CNMD: variants seen among roughly 807,000 people sequenced by gnomAD.
CNMD encodes the protein leukocyte cell-derived chemotaxin 1.
Under a neutral mutation model 37.5 loss-of-function variants are expected in CNMD, and 30 were observed. The ratio of observed to expected loss-of-function variants is 0.80; its 90% CI spans 0.60 to 1.09. The LOEUF is 1.09. Among genes scored for constraint, CNMD ranks in the 50% least tolerant of loss-of-function variants. The probability of loss-of-function intolerance (pLI) is 0.00; values close to 1 mark genes in which losing one functional copy is unlikely to be tolerated. For synonymous variants in CNMD, 167 were observed against 148.2 expected, an observed-to-expected ratio of 1.13 and a Z score of -0.92; for missense variants, 398 against 423.9, an observed-to-expected ratio of 0.94 and a Z score of 0.54.
chr13:52,703,384 A>G lies in CNMD; in HGVS notation c.*211T>C, dbSNP rs1036325231. ...TAACAAATAATAAAGGGGTTATGGC[A>G]TTTTAGACTTGAACTACCCTTTCAG... On this transcript the variant is annotated 3_prime_UTR_variant, in exon 7 of 7. Coordinates refer to ENST00000377962, the MANE Select transcript of CNMD (RefSeq NM_007015.3). 4.2e-6 allele frequency: 2 copies of G among 473,152 alleles called. No homozygotes were observed. Among genetic ancestry groups the G allele is most frequent in the Non-Finnish European group, 3.8e-6 (1 of 265,372 alleles). 29.3% of individuals were successfully genotyped at this position (473,152 alleles called of 1,614,324 possible).
At position 52,739,772 on chromosome 13, in the gene CNMD, G is replaced by T; in HGVS notation, c.-71C>A. ...CTGGGATCTGTCCCGCTGCCCCGAC[G>T]TGCAGGGCATTTCAACGCCGCGCGC... On this transcript the variant is annotated 5_prime_UTR_variant, in exon 1 of 7. Coordinates refer to ENST00000377962, the MANE Select transcript of CNMD (RefSeq NM_007015.3). The surrounding 1 kb of genome is among the most constrained non-coding windows in gnomAD (Gnocchi z 5.4). 1 of 1,376,740 alleles carries T rather than the reference G, an allele frequency of 7.3e-7. No homozygotes were observed. The highest frequency in any genetic ancestry group is 1.0e-6 in the Non-Finnish European group (1 of 969,888). The allele number at this position is 1,376,740 out of a possible 1,614,324, so 85.3% of individuals were successfully genotyped here.
chr13:52,720,920 G>C lies in CNMD; in HGVS notation c.468+3077C>G, dbSNP rs554383392. On this transcript the variant is annotated intron_variant, in intron 4 of 6. Transcript: ENST00000377962. Reference sequence around the variant, plus strand: ...GTGCTCACAGCCGCCCCTTCCCCCAGGTGCTCTGTCCTAGGGAGATGGGAG... The same window carrying C: ...GTGCTCACAGCCGCCCCTTCCCCCACGTGCTCTGTCCTAGGGAGATGGGAG... Among the ~76,000 whole-genome samples, 14 of 152,272 alleles carry C rather than the reference G, an allele frequency of 9.2e-5. No individual in the cohort carries two copies. In the East Asian group the frequency reaches 1.2e-3, roughly 13 times the overall value.
At chr13:52,721,297 A>G (rs1329390564) in intron 4 of CNMD, among the ~76,000 whole-genome samples, 1 of 152,002 alleles carries the variant, frequency 6.6e-6, no homozygotes, top group Non-Finnish European at 1.5e-5. Context: ...CCCCCTTTCC[A>G]GGGGAGTGAA....
intron 4 of CNMD, among the ~76,000 whole-genome samples, chr13:52,722,186 C>T (rs1473077457): frequency 6.6e-6 from 1 of 151,972 alleles, no homozygotes; most frequent in African/African-American, 2.4e-5. Flanking sequence ...GTCTGGAATA[C>T]ATCTCACAGG....
chr13:52,712,727 G>A lies in CNMD; in HGVS notation c.611C>T (p.Thr204Ile), dbSNP rs771196703. ...ATTTAAAATGTTACCTTTTGGATAG[G>A]TTGGTTTAAGCCAGAAAATAGGAAG... ...GDLPIFWLKP[T>I]YPKEIQRERR... is the part of the protein sequence containing the mutation. The change falls in exon 5 of 7, where the codon ACC (threonine) becomes ATC (isoleucine). Residue 204 changes from threonine (T) to isoleucine (I), a missense_variant. By Grantham distance (89) the Thr-to-Ile change is moderately conservative (BLOSUM62 -1). Coordinates refer to ENST00000377962, the MANE Select transcript of CNMD (RefSeq NM_007015.3). 4 of 1,517,616 alleles carry A rather than the reference G, an allele frequency of 2.6e-6. No homozygotes were observed. The South Asian group carries it at 4.1e-5, about 16-fold the overall frequency. The allele number at this position is 1,517,616 out of a possible 1,614,324, so 94.0% of individuals were successfully genotyped here. A position where few individuals can be genotyped will look rare whatever the true frequency, so the allele number is the denominator to read the frequency against.
chr13:52,715,127 T>C (rs1964350107), intron 4 of CNMD, among the ~76,000 whole-genome samples: 1 of 152,230 alleles, frequency 6.6e-6, no homozygotes, highest in Non-Finnish European at 1.5e-5. Context: ...GCATTTATTC[T>C]TTGTTTCAAA....
intron 3 of CNMD, among the ~76,000 whole-genome samples, chr13:52,729,751 A>T (rs1964631709): frequency 2.6e-5 from 4 of 152,146 alleles, no homozygotes; most frequent in Admixed American, 6.5e-5. Flanking sequence ...AAAAATTTCA[A>T]ATATTCACAA....
At chr13:52,707,830 C>T (rs1026935653) in intron 6 of CNMD, among the ~76,000 whole-genome samples, 24 of 152,086 alleles carry the variant, frequency 1.6e-4, no homozygotes, top group African/African-American at 4.8e-4. Context: ...AAAGGTTGGG[C>T]GCGGTGGCTC....
chr13:52,732,589 G>C (rs1270012870), intron 3 of CNMD, among the ~76,000 whole-genome samples: 2 of 152,092 alleles, frequency 1.3e-5, no homozygotes, highest in Non-Finnish European at 2.9e-5. Context: ...GTCATTTTCT[G>C]GATTAAATAG....
chr13:52,728,258 C>T (rs1175713005), intron 3 of CNMD, among the ~76,000 whole-genome samples: 1 of 151,856 alleles, frequency 6.6e-6, no homozygotes, highest in Non-Finnish European at 1.5e-5. Flanking sequence ...TGGTGGCGTG[C>T]ACCTGTAGTC....
In CNMD at chr13:52,739,298, G is replaced by A. The variant is rs1964841911; in HGVS notation, c.73-127C>T. The A allele has an allele frequency of 3.5e-6, 4 of 1,155,372 alleles. No homozygotes were observed. Among genetic ancestry groups the A allele is most frequent in the Admixed American group, 3.5e-5 (1 of 28,668 alleles). The allele number at this position is 1,155,372 out of a possible 1,614,324, so 71.6% of individuals were successfully genotyped here. A position where few individuals can be genotyped will look rare whatever the true frequency, so the allele number is the denominator to read the frequency against. ...GTCGGGCGGGAAACAGCTCGCCCGG[G>A]CTCCTACGGGTGCCCCTTTCGCCGC... On this transcript the variant is annotated intron_variant, in intron 1 of 6. Coordinates refer to ENST00000377962, the MANE Select transcript of CNMD (RefSeq NM_007015.3). This position sits in a 1 kb window ranked among gnomAD's most constrained non-coding sequence, Gnocchi z 5.4.
chr13:52,722,271 T>C (rs1407191333), intron 4 of CNMD, among the ~76,000 whole-genome samples: 1 of 152,182 alleles, frequency 6.6e-6, no homozygotes, highest in Non-Finnish European at 1.5e-5. Flanking sequence ...GTTTGTTTTT[T>C]AGCTTTTGTG....
intron 3 of CNMD, among the ~76,000 whole-genome samples, chr13:52,732,638 C>T (rs1045248703): frequency 2.0e-5 from 3 of 152,174 alleles, no homozygotes; most frequent in African/African-American, 7.2e-5. Flanking sequence ...TAGATCCCAC[C>T]TGTTGTTGAT....
At position 52,708,636 on chromosome 13, in the gene CNMD, CTG is replaced by C. The variant is rs1400783204; in HGVS notation, c.687_688del (p.His229GlnfsTer14). 6.2e-7 allele frequency: 1 copy of C among 1,613,934 alleles called. No homozygotes were observed. Among genetic ancestry groups the C allele is most frequent in the Non-Finnish European group, 8.5e-7 (1 of 1,179,950 alleles). On this transcript the variant is annotated frameshift_variant, in exon 6 of 7. Coordinates refer to ENST00000377962, the MANE Select transcript of CNMD (RefSeq NM_007015.3). LOFTEE classifies it high-confidence loss of function. ...AGCGCCTGGGTTGCTCCGTGGTCCA[CTG>C]TGTGGTCTTTTTGTGGTAGTTGGAA... is the stretch of plus-strand genomic sequence containing the variant.
At chr13:52,714,542 C>T (rs1042537895) in intron 4 of CNMD, among the ~76,000 whole-genome samples, 10 of 151,480 alleles carry the variant, frequency 6.6e-5, no homozygotes, top group African/African-American at 2.2e-4. Context: ...ACCATCACGG[C>T]GAATTTATTT....
chr13:52,736,534 A>C (rs1964768827), intron 2 of CNMD, among the ~76,000 whole-genome samples: 1 of 152,158 alleles, frequency 6.6e-6, no homozygotes, highest in Non-Finnish European at 1.5e-5. Context: ...GAGGCAGTCC[A>C]GTTTCTAACA....
chr13:52,715,527 G>A (rs2099547), intron 4 of CNMD, among the ~76,000 whole-genome samples: 142,598 of 152,172 alleles, frequency 0.94, 66,881 homozygotes, highest in East Asian at 0.99. Flanking sequence ...GACAGGCCCC[G>A]GTGTGTGATG....
intron 4 of CNMD, among the ~76,000 whole-genome samples, chr13:52,715,591 G>A (rs1048315765): frequency 1.3e-5 from 2 of 152,208 alleles, no homozygotes; most frequent in Non-Finnish European, 2.9e-5. Flanking sequence ...TTGTGAGTGA[G>A]AACATGCAGT....
chr13:52,727,963 T>A (rs1405461686), intron 3 of CNMD, among the ~76,000 whole-genome samples: 1 of 152,180 alleles, frequency 6.6e-6, no homozygotes, highest in Non-Finnish European at 1.5e-5. Context: ...GGACTTGAAA[T>A]GTTCCCAACA....
Sources: allele counts gnomAD v4.1 joint callset (sites outside exome capture counted in the v4.1 genomes callset), GRCh38; gene constraint gnomAD v4.1.1; non-coding constraint Gnocchi (gnomAD v3.1); transcripts MANE v1.5; gene names NCBI Gene and HGNC (gene_info 2026-07-23, HGNC 2026-07-21).